Variants in SERPINB9 observed in about 807,000 individuals in gnomAD.
SERPINB9 encodes serpin family B member 9.
In SERPINB9, 20 loss-of-function variants were observed where a neutral mutation model predicts 27.2. The observed-to-expected ratio is 0.74, with a 90% CI of 0.52 to 1.07. The LOEUF is 1.07. SERPINB9 is among the 50% of genes least tolerant of loss of function. SERPINB9 has a pLI of 0.00. For synonymous variants in SERPINB9, 189 were observed against 180.0 expected (o/e 1.05, Z -0.40); for missense variants, 476 against 460.1 (o/e 1.03, Z -0.32).
At chr6:2,898,194 CTT>C (rs893053267) in intron 2 of SERPINB9, among the ~76,000 whole-genome samples, 36 of 151,950 alleles carry the variant, frequency 2.4e-4, no homozygotes, top group African/African-American at 8.4e-4. Context: ...CTTAGATGAT[CTT>C]TTGAGGGATT....
In SERPINB9 at chr6:2,894,464, A is replaced by G. The variant is rs1283229781; in HGVS notation, c.425-911T>C. 6.6e-6 allele frequency among the ~76,000 whole-genome samples: 1 copy of G among 151,992 alleles called. No individual in the cohort carries two copies. The highest frequency in any genetic ancestry group is 1.5e-5 in the Non-Finnish European group (1 of 68,018). ...CTGTGGAACTGATCAGCCCTGAGAG[A>G]GGGTCGGCAGTTAACCAATCAAATG... is the stretch of plus-strand genomic sequence containing the variant. On this transcript the variant is annotated intron_variant, in intron 4 of 6. Coordinates refer to ENST00000380698, the MANE Select transcript of SERPINB9 (RefSeq NM_004155.6). The surrounding 1 kb of genome is among the most constrained non-coding windows in gnomAD (Gnocchi z 4.7).
At chr6:2,897,133 A>C (rs1203660101) in intron 2 of SERPINB9, among the ~76,000 whole-genome samples, 1 of 151,394 alleles carries the variant, frequency 6.6e-6, no homozygotes, top group African/African-American at 2.4e-5. Context: ...CAAAAAAAAA[A>C]AAAAAACACA....
At chr6:2,899,898 C>G (rs1322303579) in intron 2 of SERPINB9, 6 of 456,400 alleles carry the variant, frequency 1.3e-5, no homozygotes, top group South Asian at 9.3e-5. Context: ...AAGCACTGAT[C>G]TTGAATCATT....
Position 2,891,882 on chromosome 6 carries a change from T to C in SERPINB9, c.674A>G (p.Glu225Gly). ...QLLELPYARK[E>G]LSLLVLLPDD... is the part of the protein sequence containing the mutation. ...AGGCAGCAGCACCAGCAGGCTCAGC[T>C]CCTTCCTGGCGTAGGGCAGCTCCAG... Residue 225 changes from glutamate (E) to glycine (G), a missense_variant, in exon 6 of 7, where the codon GAG becomes GGG. Physicochemically the swap from Glu to Gly is moderately conservative, Grantham distance 98 (BLOSUM62 -2). Transcript: ENST00000380698. The surrounding 1 kb of genome is among the most constrained non-coding windows in gnomAD (Gnocchi z 4.0). The C allele has an allele frequency of 6.2e-7, 1 of 1,612,016 alleles. No homozygotes were observed. The highest frequency in any genetic ancestry group is 2.2e-5 in the East Asian group (1 of 44,844).
chr6:2,890,331 C>T lies in SERPINB9; in HGVS notation c.963G>A (p.Glu321=), dbSNP rs1323411132. The change falls in exon 7 of 7, where the codon GAG becomes GAA. Residue 321 remains glutamate (E), a synonymous_variant. Transcript: ENST00000380698. This position sits in a 1 kb window ranked among gnomAD's most constrained non-coding sequence, Gnocchi z 6.2. ...LSKFVHKSFV[E]VNEEGTEAAA... is the part of the protein sequence containing the mutation. Reference sequence around the variant, plus strand: ...CTGCCTCGGTGCCTTCTTCATTCACCTCCACAAAACTCTTGTGCACGAACT... The same window carrying T: ...CTGCCTCGGTGCCTTCTTCATTCACTTCCACAAAACTCTTGTGCACGAACT... 5 of 1,614,104 alleles carry T rather than the reference C, an allele frequency of 3.1e-6. No homozygotes were observed. The South Asian group carries it at 3.3e-5, about 11-fold the overall frequency.
At chr6:2,899,103 G>A (rs954706916) in intron 2 of SERPINB9, among the ~76,000 whole-genome samples, 10 of 152,168 alleles carry the variant, frequency 6.6e-5, no homozygotes, top group Admixed American at 2.0e-4. Context: ...AGAGAGCTCA[G>A]TCTCACACCT....
In SERPINB9 at chr6:2,890,558, G is replaced by A. The variant is rs1395082497; in HGVS notation, c.736C>T (p.Leu246Phe). 1.2e-6 allele frequency: 2 copies of A among 1,606,372 alleles called. No individual in the cohort carries two copies. Among genetic ancestry groups the A allele is most frequent in the African/African-American group, 2.7e-5 (2 of 74,692 alleles). ...GVELSTVEKS[L>F]TFEKLTAWTK... ...CAGGCTGTGAGTTTCTCAAAAGTGA[G>A]ACTTTTTTCCACCTGAAAGACCAGA... is the stretch of plus-strand genomic sequence containing the variant. Residue 246 changes from leucine (L) to phenylalanine (F), a missense_variant, in exon 7 of 7, where the codon CTC (leucine) becomes TTC (phenylalanine). Coordinates refer to ENST00000380698, the MANE Select transcript of SERPINB9 (RefSeq NM_004155.6). The surrounding 1 kb of genome is among the most constrained non-coding windows in gnomAD (Gnocchi z 6.2).
At chr6:2,901,926 T>A (rs1369155485) in intron 1 of SERPINB9, among the ~76,000 whole-genome samples, 32 of 150,526 alleles carry the variant, frequency 2.1e-4, no homozygotes, top group Non-Finnish European at 3.5e-4. Context: ...CACAACCCAC[T>A]CCCCCAGCCA....
chr6:2,891,728 G>T lies in SERPINB9; in HGVS notation c.723+105C>A. On this transcript the variant is annotated intron_variant, in intron 6 of 6. Coordinates refer to ENST00000380698, the MANE Select transcript of SERPINB9 (RefSeq NM_004155.6). The surrounding 1 kb of genome is among the most constrained non-coding windows in gnomAD (Gnocchi z 4.0). ...AACGCCAAGTGCCTGCACAGTGTGC[G>T]TCTGCCGCATCGCCAACTCAGAAGG... 7.5e-7 allele frequency: 1 copy of T among 1,337,348 alleles called. No individual in the cohort carries two copies. Among genetic ancestry groups the T allele is most frequent in the Non-Finnish European group, 1.0e-6 (1 of 987,944 alleles). 82.8% of individuals were successfully genotyped at this position (1,337,348 alleles called of 1,614,324 possible).
At position 2,900,428 on chromosome 6, in the gene SERPINB9, G is replaced by A. The variant is rs370535579; in HGVS notation, c.168+16C>T. The A allele has an allele frequency of 6.0e-4, 967 of 1,612,962 alleles. 1 individual carries two copies. The highest frequency in any genetic ancestry group is 7.5e-4 in the Non-Finnish European group (890 of 1,179,536). On this transcript the variant is annotated intron_variant, in intron 2 of 6. Coordinates refer to ENST00000380698, the MANE Select transcript of SERPINB9 (RefSeq NM_004155.6). ...GCCCAGGCCAGTCCCTGCTCCTGGC[G>A]GACGGGCAAGCTTACCTGGGCCATC...
rs1440721019 is a variant in SERPINB9, at chr6:2,887,578, G to A, written c.*2585C>T. 6.6e-6 allele frequency: 1 copy of A among 152,166 alleles called. No homozygotes were observed. The highest frequency in any genetic ancestry group is 1.5e-5 in the Non-Finnish European group (1 of 68,044). The allele number at this position is 152,166 out of a possible 1,614,324, so 9.4% of individuals were successfully genotyped here. On this transcript the variant is annotated 3_prime_UTR_variant, in exon 7 of 7. Transcript: ENST00000380698. ...ATACTGAACTAGGGCTGGGCTCAGTGGCTTATGCCTGTAATCCTAGCACTT... is the reference window on the plus strand; with the variant it reads ...ATACTGAACTAGGGCTGGGCTCAGTAGCTTATGCCTGTAATCCTAGCACTT...
intron 1 of SERPINB9, among the ~76,000 whole-genome samples, chr6:2,902,524 C>T (rs926154495): frequency 2.0e-5 from 3 of 151,876 alleles, no homozygotes; most frequent in Non-Finnish European, 4.4e-5. Context: ...TTGTGTTTTT[C>T]TTTTTTTTGT....
rs562012827 is a variant in SERPINB9, at chr6:2,902,427, G to A, written c.-11+774C>T. On this transcript the variant is annotated intron_variant, in intron 1 of 6. Coordinates refer to ENST00000380698, the MANE Select transcript of SERPINB9 (RefSeq NM_004155.6). The stretch of plus-strand genomic sequence containing the variant: ...ACCCCATTCGTTTAGCTGAATTATT[G>A]AAAGAATTAAGATGGATAAGAGTGC... Among the ~76,000 whole-genome samples the A allele has an allele frequency of 5.9e-5, 9 of 152,196 alleles. 1 individual carries two copies. In the South Asian group the frequency reaches 1.7e-3, roughly 28 times the overall value.
chr6:2,893,311 C>T (rs973224119), intron 5 of SERPINB9, 100 bp downstream of exon 5: 128 of 1,167,776 alleles, frequency 1.1e-4, no homozygotes, highest in Non-Finnish European at 1.5e-4. Context: ...GTTTCAAATT[C>T]CTTTTGGCTT....
intron 1 of SERPINB9, among the ~76,000 whole-genome samples, chr6:2,901,939 C>T (rs1032474761): frequency 2.0e-5 from 3 of 152,062 alleles, no homozygotes; most frequent in Non-Finnish European, 4.4e-5. Context: ...CCCAGCCACC[C>T]CCACGCCACA....
intron 4 of SERPINB9, among the ~76,000 whole-genome samples, chr6:2,893,985 A>C (rs531526079): frequency 1.3e-5 from 2 of 152,266 alleles, no homozygotes; most frequent in Non-Finnish European, 2.9e-5. Context: ...CAAAGCGGGA[A>C]GAGCTGACAT....
At chr6:2,896,025 C>T (rs757269242) in intron 3 of SERPINB9, 28 bp downstream of exon 3, 61 of 1,597,994 alleles carry the variant, frequency 3.8e-5, no homozygotes, top group Non-Finnish European at 4.9e-5. Flanking sequence ...TTGAATGCAA[C>T]TTTTATTGTT....
chr6:2,892,870 T>C (rs1203099631), intron 5 of SERPINB9, among the ~76,000 whole-genome samples: 1 of 152,034 alleles, frequency 6.6e-6, no homozygotes, highest in Non-Finnish European at 1.5e-5. Flanking sequence ...AACTAAGGTC[T>C]TTGTCATGAA....
chr6:2,891,901 G>A lies in SERPINB9; in HGVS notation c.655C>T (p.Leu219=), dbSNP rs1165854774. The A allele has an allele frequency of 1.2e-6, 2 of 1,612,848 alleles. No homozygotes were observed. Among genetic ancestry groups the A allele is most frequent in the South Asian group, 1.1e-5 (1 of 91,068 alleles). ...VGEVRAQLLE[L]PYARKELSLL... ...CTCAGCTCCTTCCTGGCGTAGGGCAGCTCCAGCAGCTGCGCGCGCACCTCG... is the reference window on the plus strand; with the variant it reads ...CTCAGCTCCTTCCTGGCGTAGGGCAACTCCAGCAGCTGCGCGCGCACCTCG... Residue 219 remains leucine (L), a synonymous_variant, in exon 6 of 7, where the codon CTG becomes TTG. Transcript: ENST00000380698. The surrounding 1 kb of genome is among the most constrained non-coding windows in gnomAD (Gnocchi z 4.0).
Sources: gnomAD v4.1 joint callset for allele counts (sites outside exome capture counted in the v4.1 genomes callset) on GRCh38, gnomAD v4.1.1 for gene constraint, Gnocchi (gnomAD v3.1) non-coding constraint, MANE v1.5 for transcripts, NCBI Gene and HGNC (gene_info 2026-07-23, HGNC 2026-07-21) for gene names.